The following MYO16 variants were observed in gnomAD, a reference collection of about 807,000 sequenced individuals.
MYO16 encodes the protein unconventional myosin-XVI.
A neutral mutation model predicts 205.3 loss-of-function variants in MYO16; 94 were observed. That is an observed-to-expected ratio of 0.46 (90% CI 0.39 to 0.54). The LOEUF (loss-of-function observed/expected upper bound fraction) is 0.54. Among genes scored for constraint, MYO16 ranks in the 20% least tolerant of loss-of-function variants. The pLI is 0.00. For synonymous variants in MYO16, 988 were observed against 954.0 expected, an observed-to-expected ratio of 1.04 and a Z score of -0.66; for missense variants, 2,315 against 2,387.5, an observed-to-expected ratio of 0.97 and a Z score of 0.63.
chr13:108,526,574 C>A, the MYO16 span, among the ~76,000 whole-genome samples: 4 of 152,140 alleles, frequency 2.6e-5, no homozygotes, highest in Non-Finnish European at 4.4e-5. Context: ...AAGATTATTA[C>A]TGAACGAATA....
intron 32 of MYO16, among the ~76,000 whole-genome samples, chr13:109,143,928 TTAGCAA>T (rs1304907651): frequency 6.6e-6 from 1 of 152,182 alleles, no homozygotes; most frequent in Non-Finnish European, 1.5e-5. Flanking sequence ...AATAGAAAAC[TTAGCAA>T]TACCAGACCA....
chr13:109,206,823 A>T lies in MYO16; in HGVS notation c.5630A>T (p.Asp1877Val). 2.5e-6 allele frequency: 4 copies of T among 1,613,948 alleles called. No homozygotes were observed. The highest frequency in any genetic ancestry group is 3.4e-6 in the Non-Finnish European group (4 of 1,179,940). ...SCNRLPSELW[D>V]TTI ...AACAGGCTGCCGTCTGAGCTCTGGG[A>T]CACCACCATTTGATGTGGCCTGAAC... The change falls in exon 35 of 35, where the codon GAC becomes GTC. Residue 1877 changes from aspartate (D) to valine (V), a missense_variant. Coordinates refer to ENST00000457511, the MANE Select transcript of MYO16 (RefSeq NM_001198950.3).
chr13:108,736,283 A>G (rs1884695281), intron 4 of MYO16, among the ~76,000 whole-genome samples: 1 of 152,212 alleles, frequency 6.6e-6, no homozygotes. Flanking sequence ...TTTAGGTCTA[A>G]CATTGAAGTC....
intron 33 of MYO16, among the ~76,000 whole-genome samples, chr13:109,178,932 A>G (rs986717268): frequency 6.6e-6 from 1 of 152,352 alleles, no homozygotes. Context: ...GTTGAGGGAC[A>G]TGTAAAGTTT....
chr13:108,788,421 G>A (rs573203942), intron 5 of MYO16, among the ~76,000 whole-genome samples: 2 of 152,224 alleles, frequency 1.3e-5, no homozygotes, highest in Admixed American at 6.5e-5. Flanking sequence ...GAAGGCAGTC[G>A]ATTAGAAAGT....
intron 5 of MYO16, among the ~76,000 whole-genome samples, chr13:108,786,335 A>G (rs1243011176): frequency 1.3e-5 from 2 of 152,242 alleles, no homozygotes; most frequent in Non-Finnish European, 2.9e-5. Context: ...TCCAGCATAT[A>G]ATTTCATCAG....
chr13:108,836,458 C>T (rs942516763), intron 9 of MYO16, among the ~76,000 whole-genome samples: 1 of 152,192 alleles, frequency 6.6e-6, no homozygotes, highest in African/African-American at 2.4e-5. Flanking sequence ...ACACAGAGTC[C>T]CCACTTGGGC....
intron 6 of MYO16, among the ~76,000 whole-genome samples, chr13:108,806,412 G>A (rs1023953829): frequency 6.6e-6 from 1 of 152,134 alleles, no homozygotes; most frequent in African/African-American, 2.4e-5. Context: ...CATTGAAATG[G>A]AACTCGGAGG....
intron 1 of MYO16, among the ~76,000 whole-genome samples, chr13:108,601,008 T>C (rs968702657): frequency 2.0e-5 from 3 of 152,106 alleles, no homozygotes; most frequent in Admixed American, 2.0e-4. Context: ...TAATCCCAGG[T>C]CCTTTTTACT....
intron 20 of MYO16, among the ~76,000 whole-genome samples, chr13:108,977,810 GT>G (rs1191611315): frequency 6.6e-6 from 1 of 151,718 alleles, no homozygotes; most frequent in Admixed American, 6.6e-5. Context: ...ATGTGTTTTG[GT>G]TATTTTGGGG....
intron 16 of MYO16, among the ~76,000 whole-genome samples, chr13:108,953,819 C>A (rs1883245920): frequency 6.6e-6 from 1 of 152,040 alleles, no homozygotes. Context: ...ATCCTAGATG[C>A]TTTTGAATAG....
chr13:108,722,674 C>T (rs1884207144), intron 3 of MYO16, among the ~76,000 whole-genome samples: 1 of 152,142 alleles, frequency 6.6e-6, no homozygotes, highest in African/African-American at 2.4e-5. Flanking sequence ...TGAGCTATCA[C>T]AAAGCTAAAG....
intron 1 of MYO16, among the ~76,000 whole-genome samples, chr13:108,648,768 T>C (rs1880867254): frequency 6.6e-6 from 1 of 152,118 alleles, no homozygotes; most frequent in Non-Finnish European, 1.5e-5. Flanking sequence ...CTCATAATGG[T>C]TTAAATACAA....
In MYO16 at chr13:109,127,364, C is replaced by A. The variant is rs749463719; in HGVS notation, c.3865C>A (p.Leu1289Ile). The A allele has an allele frequency of 4.3e-6, 7 of 1,613,642 alleles. No individual in the cohort carries two copies. Among genetic ancestry groups the A allele is most frequent in the Non-Finnish European group, 5.9e-6 (7 of 1,179,834 alleles). ...GGCCGTGGATGGCCTGGGCCAGTGC[C>A]TCGTTGGCCCGTCCATCTGGTCTCC... ...CAAVDGLGQCLVGPSIWSPSL... is the reference protein window; with the variant it reads ...CAAVDGLGQCIVGPSIWSPSL... The change falls in exon 31 of 35, where the codon CTC becomes ATC. Residue 1289 changes from leucine to isoleucine, a missense_variant. By Grantham distance (5) the Leu-to-Ile change is conservative. This residue lies in a region of MYO16 where 1,097 missense variants were observed against 1,092.0 expected (regional missense o/e 1.00). Transcript: ENST00000457511. The surrounding 1 kb of genome is among the most constrained non-coding windows in gnomAD (Gnocchi z 4.2).
At chr13:108,645,774 ACACTGCCTAT>A (rs767451951) in intron 1 of MYO16, among the ~76,000 whole-genome samples, 5 of 152,306 alleles carry the variant, frequency 3.3e-5, no homozygotes, top group Non-Finnish European at 4.4e-5. Context: ...TTACCACCCA[ACACTGCCTAT>A]CCCACCTGTT....
the MYO16 span, among the ~76,000 whole-genome samples, chr13:108,525,082 A>G: frequency 6.6e-6 from 1 of 152,204 alleles, no homozygotes; most frequent in Non-Finnish European, 1.5e-5. Flanking sequence ...TGAGGACTAG[A>G]GTCCACTCAA....
At chr13:109,076,484 A>G (rs966458339) in intron 27 of MYO16, among the ~76,000 whole-genome samples, 1 of 152,186 alleles carries the variant, frequency 6.6e-6, no homozygotes, top group Non-Finnish European at 1.5e-5. Flanking sequence ...CATTAATGCA[A>G]ACAGAAACAG....
chr13:109,078,770 C>T (rs1317314288), intron 27 of MYO16, among the ~76,000 whole-genome samples: 1 of 152,094 alleles, frequency 6.6e-6, no homozygotes, highest in Non-Finnish European at 1.5e-5. Context: ...AACCAAGGGC[C>T]AATTATATCT....
intron 28 of MYO16, among the ~76,000 whole-genome samples, chr13:109,106,924 A>T (rs1038915085): frequency 6.6e-6 from 1 of 152,206 alleles, no homozygotes; most frequent in Non-Finnish European, 1.5e-5. Context: ...GAAATTGTGG[A>T]AGGAGAAGTT....
Sources: allele counts gnomAD v4.1 joint callset (sites outside exome capture counted in the v4.1 genomes callset), GRCh38; gene constraint gnomAD v4.1.1; regional missense constraint gnomAD v4.1.1; non-coding constraint Gnocchi (gnomAD v3.1); transcripts MANE v1.5; gene names NCBI Gene and HGNC (gene_info 2026-07-23, HGNC 2026-07-21).